The following SMAP2 variants were observed in gnomAD, a reference collection of about 807,000 sequenced individuals.
SMAP2 encodes the protein stromal membrane-associated protein 2.
A neutral mutation model predicts 56.4 loss-of-function variants in SMAP2; 25 were observed. The ratio of observed to expected loss-of-function variants is 0.44; its 90% CI spans 0.32 to 0.62. The LOEUF is 0.62. Ranked by LOEUF, SMAP2 falls within the 20% of genes least tolerant of loss-of-function variation. The pLI is 0.04. For synonymous variants in SMAP2, 157 were observed against 181.7 expected (o/e 0.86, Z 1.09); for missense variants, 388 against 545.6 (o/e 0.71, Z 2.88).
At chr1:40,393,210 C>T (rs1023251741) in intron 1 of SMAP2, 1 of 979,514 alleles carries the variant, frequency 1.0e-6, no homozygotes, top group Non-Finnish European at 1.4e-6. Flanking sequence ...CCTGTAGTCC[C>T]AGCTACTCAA....
At position 40,408,664 on chromosome 1, in the gene SMAP2, G is replaced by C. The variant is rs1434537253; in HGVS notation, c.249G>C (p.Glu83Asp). ...WTQEQIQCMQ[E>D]MGNGKANRLY... Reference sequence around the variant, plus strand: ...CTCTTTGGTCACAGTGCATGCAAGAGATGGGAAATGGAAAGGCAAACCGAC... The same window carrying C: ...CTCTTTGGTCACAGTGCATGCAAGACATGGGAAATGGAAAGGCAAACCGAC... The change falls in exon 3 of 10, where the codon GAG (glutamate) becomes GAC (aspartate). Residue 83 changes from glutamate to aspartate, a missense_variant. Coordinates refer to ENST00000372718, the MANE Select transcript of SMAP2 (RefSeq NM_022733.3). This position sits in a 1 kb window ranked among gnomAD's most constrained non-coding sequence, Gnocchi z 4.3. 12 of 1,613,792 alleles carry C rather than the reference G, an allele frequency of 7.4e-6. No homozygotes were observed. The highest frequency in any genetic ancestry group is 8.5e-6 in the Non-Finnish European group (10 of 1,179,814).
intron 5 of SMAP2, among the ~76,000 whole-genome samples, chr1:40,413,539 A>T (rs1297205721): frequency 6.6e-6 from 1 of 152,192 alleles, no homozygotes; most frequent in African/African-American, 2.4e-5. Flanking sequence ...TTGCTTTGTC[A>T]TGTTGAAACA....
At chr1:40,359,710 A>G (rs1644451350) in intron 1 of SMAP2, among the ~76,000 whole-genome samples, 1 of 152,040 alleles carries the variant, frequency 6.6e-6, no homozygotes, top group Non-Finnish European at 1.5e-5. Flanking sequence ...TGAGGTTACC[A>G]TAAGGACTGC....
chr1:40,364,572 G>A (rs1021646566), intron 2 of SMAP2, among the ~76,000 whole-genome samples: 4 of 152,052 alleles, frequency 2.6e-5, no homozygotes, highest in African/African-American at 9.7e-5. Context: ...GTGAAACCCT[G>A]TCTCTACAAA....
chr1:40,412,021 T>C (rs1252916425), intron 4 of SMAP2, among the ~76,000 whole-genome samples: 1 of 152,192 alleles, frequency 6.6e-6, no homozygotes, highest in African/African-American at 2.4e-5. Flanking sequence ...ATATAGTGTT[T>C]ATAATTTTTA....
intron 1 of SMAP2, among the ~76,000 whole-genome samples, chr1:40,377,417 T>C (rs1490523096): frequency 1.3e-5 from 2 of 152,224 alleles, no homozygotes; most frequent in African/African-American, 4.8e-5. Context: ...TACCAGTTTC[T>C]GGGACCACTA....
chr1:40,348,717 T>C (rs1644398909), intron 1 of SMAP2, among the ~76,000 whole-genome samples: 1 of 152,040 alleles, frequency 6.6e-6, no homozygotes, highest in South Asian at 2.1e-4. Context: ...AAAAATTTGC[T>C]CTCACTAGAA....
At chr1:40,391,152 C>A (rs1644711679) in intron 1 of SMAP2, among the ~76,000 whole-genome samples, 1 of 152,140 alleles carries the variant, frequency 6.6e-6, no homozygotes, top group Non-Finnish European at 1.5e-5. Context: ...ATCAGCATTG[C>A]CCCTTGAGGG....
intron 1 of SMAP2, among the ~76,000 whole-genome samples, chr1:40,356,571 C>T: frequency 6.6e-6 from 1 of 152,000 alleles, no homozygotes; most frequent in Non-Finnish European, 1.5e-5. Context: ...CCACCATGCC[C>T]AGCTAATTTT....
chr1:40,345,775 A>C lies in SMAP2; in HGVS notation c.-83+865A>C, dbSNP rs139285243. On this transcript the variant is annotated intron_variant, in intron 1 of 6. Coordinates refer to the SMAP2 transcript ENST00000435168. ...CTATTGTGTATTATAATATAACGTT[A>C]AATTTGCATTTGGCTGGAGGAGAAA... 3.0e-3 allele frequency among the ~76,000 whole-genome samples: 446 copies of C among 150,344 alleles called. 1 individual carries two copies. Among genetic ancestry groups the C allele is most frequent in the African/African-American group, 0.01 (430 of 41,242 alleles).
chr1:40,393,094 T>G (rs1644732897), intron 1 of SMAP2, among the ~76,000 whole-genome samples: 1 of 66,450 alleles, frequency 1.5e-5, no homozygotes, highest in Non-Finnish European at 2.8e-5. Flanking sequence ...AGAGCGTGAA[T>G]CCATCTCAAA....
chr1:40,360,641 C>T (rs867716860), intron 1 of SMAP2, among the ~76,000 whole-genome samples: 3 of 152,186 alleles, frequency 2.0e-5, no homozygotes, highest in Admixed American at 6.5e-5. Context: ...ACTGCTCCCC[C>T]ATTCCATAGC....
intron 1 of SMAP2, among the ~76,000 whole-genome samples, chr1:40,375,334 C>A (rs72670697): frequency 0.022 from 3,379 of 152,208 alleles, 68 homozygotes; most frequent in Middle Eastern, 0.037. Context: ...TGCCGTACAG[C>A]GTAGTGGGCA....
rs35452622 is a variant in SMAP2, at chr1:40,399,701, CAA to C, written c.104-7023_104-7022del. Among the ~76,000 whole-genome samples the C allele has an allele frequency of 1.0e-2, 1,162 of 116,424 alleles. 9 individuals are homozygous for C. The highest frequency in any genetic ancestry group is 0.033 in the African/African-American group (1,045 of 31,948). The allele number at this position is 116,424 out of a possible 152,430, so 76.4% of individuals were successfully genotyped here. A position where few individuals can be genotyped will look rare whatever the true frequency, so the allele number is the denominator to read the frequency against. ...TGGGTGAGAGAGTAAGACCCTGTCT[CAA>C]AAAAAAAAAAAGAAAAGAAAAGAAA... is the stretch of plus-strand genomic sequence containing the variant. On this transcript the variant is annotated intron_variant, in intron 1 of 9. Coordinates refer to ENST00000372718, the MANE Select transcript of SMAP2 (RefSeq NM_022733.3).
chr1:40,401,218 G>C (rs1170434582), intron 1 of SMAP2, among the ~76,000 whole-genome samples: 2 of 152,146 alleles, frequency 1.3e-5, no homozygotes, highest in Admixed American at 6.5e-5. Context: ...AGCCGAGATC[G>C]CGCCACTGCA....
chr1:40,374,309 T>C lies in SMAP2; in HGVS notation c.103+86T>C. ...GCGTGAAGAGGCGGTTTCTGAAGCT[T>C]AGGCCGCCCAACTCGGCTTATAAGT... On this transcript the variant is annotated intron_variant, in intron 1 of 9. Transcript: ENST00000372718. This position sits in a 1 kb window ranked among gnomAD's most constrained non-coding sequence, Gnocchi z 5.9. 1.7e-6 allele frequency: 2 copies of C among 1,150,028 alleles called. No homozygotes were observed. Among genetic ancestry groups the C allele is most frequent in the Non-Finnish European group, 2.6e-6 (2 of 780,758 alleles). 71.2% of individuals were successfully genotyped at this position (1,150,028 alleles called of 1,614,324 possible). A position where few individuals can be genotyped will look rare whatever the true frequency, so the allele number is the denominator to read the frequency against.
chr1:40,414,840 T>C lies in SMAP2; in HGVS notation c.572-432T>C, dbSNP rs139860714. 6.4e-3 allele frequency among the ~76,000 whole-genome samples: 982 copies of C among 152,350 alleles called. 7 individuals carry two copies. The highest frequency in any genetic ancestry group is 0.014 in the Middle Eastern group (4 of 294). On this transcript the variant is annotated intron_variant, in intron 6 of 9. Transcript: ENST00000372718. ...ATTCTGCCCTTTCAGAAAGAAAGCC[T>C]GTTGTCTGCCTTTCACAGCACTGAT...
chr1:40,349,574 A>C (rs1455275885), intron 1 of SMAP2, among the ~76,000 whole-genome samples: 4 of 151,680 alleles, frequency 2.6e-5, no homozygotes, highest in Non-Finnish European at 1.5e-5. Context: ...GCTGGAGTGC[A>C]GTGGTGCCAT....
intron 1 of SMAP2, chr1:40,375,915 T>A: frequency 4.1e-6 from 1 of 246,818 alleles, no homozygotes; most frequent in African/African-American, 2.3e-5. Flanking sequence ...ATTCACTACT[T>A]CTTCCTCCAA....
Sources: gnomAD v4.1 joint callset for allele counts (sites outside exome capture counted in the v4.1 genomes callset) on GRCh38, gnomAD v4.1.1 for gene constraint, Gnocchi (gnomAD v3.1) non-coding constraint, MANE v1.5 for transcripts, NCBI Gene and HGNC (gene_info 2026-07-23, HGNC 2026-07-21) for gene names.